The following XKR4 variants were observed in gnomAD, a reference collection of about 807,000 sequenced individuals.
XKR4 encodes XK-related protein 4.
A neutral mutation model predicts 53.9 loss-of-function variants in XKR4; 12 were observed. The observed-to-expected ratio is 0.22, with a 90% CI of 0.14 to 0.36. The LOEUF is 0.36. XKR4 is among the 10% of genes least tolerant of loss of function. The pLI, the probability that XKR4 is intolerant of heterozygous loss-of-function variation, is 1.00. For synonymous variants in XKR4, 354 were observed against 362.4 expected (o/e 0.98, Z 0.26); for missense variants, 799 against 859.5 (o/e 0.93, Z 0.88).
chr8:55,363,483 T>C (rs532336246), intron 2 of XKR4, among the ~76,000 whole-genome samples: 12 of 152,302 alleles, frequency 7.9e-5, no homozygotes, highest in African/African-American at 2.6e-4. Context: ...CAAACACTGT[T>C]ACCTGCTAAC....
intron 1 of XKR4, among the ~76,000 whole-genome samples, chr8:55,149,557 T>C (rs1448274570): frequency 2.0e-5 from 3 of 152,326 alleles, no homozygotes; most frequent in Non-Finnish European, 2.9e-5. Flanking sequence ...CATCAGAGTT[T>C]CTTGGCAGCA....
At chr8:55,292,589 A>T (rs951228868) in intron 1 of XKR4, among the ~76,000 whole-genome samples, 3 of 152,268 alleles carry the variant, frequency 2.0e-5, no homozygotes, top group Non-Finnish European at 4.4e-5. Flanking sequence ...ATCTTTTCAA[A>T]AAACAAGCAA....
At chr8:55,462,019 GGGAGAATGGAACCAAGTT>G (rs1805666265) in intron 2 of XKR4, among the ~76,000 whole-genome samples, 1 of 152,300 alleles carries the variant, frequency 6.6e-6, no homozygotes, top group Admixed American at 6.5e-5. Flanking sequence ...GAAAGTGACG[GGGAGAATGGAACCAAGTT>G]GGAAAACACT....
intron 1 of XKR4, among the ~76,000 whole-genome samples, chr8:55,313,988 A>T (rs1446653782): frequency 1.3e-5 from 2 of 152,228 alleles, no homozygotes; most frequent in Non-Finnish European, 1.5e-5. Flanking sequence ...ACAGCTACCA[A>T]TAATAATGAT....
chr8:55,289,808 AG>A (rs1306127161), intron 1 of XKR4, among the ~76,000 whole-genome samples: 2 of 148,602 alleles, frequency 1.3e-5, no homozygotes, highest in African/African-American at 5.0e-5. Flanking sequence ...AGAGAAAGAA[AG>A]GAAAGAAAGA....
chr8:55,523,969 G>A lies in XKR4; in HGVS notation c.1695G>A (p.Glu565=), dbSNP rs759622974. The A allele has an allele frequency of 5.6e-6, 9 of 1,614,178 alleles. No individual in the cohort carries two copies. The highest frequency in any genetic ancestry group is 7.6e-6 in the Non-Finnish European group (9 of 1,180,044). ...VVSDRDQKFA[E]RDGCVPVFQV... ...GCGACCGCGATCAGAAATTCGCAGA[G>A]CGGGATGGGTGTGTACCTGTCTTTC... The change falls in exon 3 of 3, where the codon GAG becomes GAA. Residue 565 remains glutamate, a synonymous_variant. Coordinates refer to ENST00000327381, the MANE Select transcript of XKR4 (RefSeq NM_052898.2).
chr8:55,317,667 G>A (rs1176615361), intron 1 of XKR4, among the ~76,000 whole-genome samples: 1 of 152,198 alleles, frequency 6.6e-6, no homozygotes, highest in East Asian at 1.9e-4. Flanking sequence ...CAGTGATGGA[G>A]GGCTCAGTAT....
intron 1 of XKR4, among the ~76,000 whole-genome samples, chr8:55,226,907 A>G (rs11779709): frequency 0.34 from 51,993 of 152,060 alleles, 10,320 homozygotes; most frequent in Middle Eastern, 0.47. Flanking sequence ...GAAAGTCAGG[A>G]GCCTGAGCAA....
At chr8:55,521,169 A>C (rs890941049) in intron 2 of XKR4, among the ~76,000 whole-genome samples, 1 of 152,238 alleles carries the variant, frequency 6.6e-6, no homozygotes, top group African/African-American at 2.4e-5. Context: ...GTTTAAAAGC[A>C]CAAAGGGAGC....
rs185620033 is a variant in XKR4 at position 55,146,050 on chromosome 8, A to G, written c.806+42756A>G. Among the ~76,000 whole-genome samples, 14 of 152,350 alleles carry G rather than the reference A, an allele frequency of 9.2e-5. No individual in the cohort carries two copies. In the East Asian group the frequency reaches 1.7e-3, roughly 19 times the overall value. ...AACTGATGCTTTGCAAATGGGAATTATGAAATGACATTGTAACCTGAGTCA... is the reference window on the plus strand; with the variant it reads ...AACTGATGCTTTGCAAATGGGAATTGTGAAATGACATTGTAACCTGAGTCA... On this transcript the variant is annotated intron_variant, in intron 1 of 2. Coordinates refer to ENST00000327381, the MANE Select transcript of XKR4 (RefSeq NM_052898.2).
At chr8:55,310,233 C>T (rs925674420) in intron 1 of XKR4, among the ~76,000 whole-genome samples, 12 of 152,096 alleles carry the variant, frequency 7.9e-5, no homozygotes, top group African/African-American at 2.2e-4. Flanking sequence ...TGCACAACTG[C>T]GTCAATATTT....
chr8:55,369,377 G>A (rs1404156634), intron 2 of XKR4, among the ~76,000 whole-genome samples: 1 of 66,618 alleles, frequency 1.5e-5, no homozygotes, highest in Non-Finnish European at 3.0e-5. Context: ...AAGGGGAGGG[G>A]AGGGGAGGGG....
chr8:55,473,603 G>C (rs768710136), intron 2 of XKR4, among the ~76,000 whole-genome samples: 5 of 152,052 alleles, frequency 3.3e-5, no homozygotes, highest in Admixed American at 2.0e-4. Context: ...TTTCAAAAAG[G>C]AATAAGTGTG....
chr8:55,262,903 C>T lies in XKR4; in HGVS notation c.807-94775C>T, dbSNP rs141929494. Among the ~76,000 whole-genome samples, 49 of 152,264 alleles carry T rather than the reference C, an allele frequency of 3.2e-4. 1 individual carries two copies. Among genetic ancestry groups the T allele is most frequent in the African/African-American group, 1.1e-3 (45 of 41,554 alleles). On this transcript the variant is annotated intron_variant, in intron 1 of 2. Transcript: ENST00000327381. ...AAGGATTGTGGATCACTGTGGTCCA[C>T]GGGGCAAGAGCATAATGTGGTGAAA...
At chr8:55,234,802 G>T (rs941880242) in intron 1 of XKR4, among the ~76,000 whole-genome samples, 4 of 152,190 alleles carry the variant, frequency 2.6e-5, no homozygotes, top group Admixed American at 1.3e-4. Flanking sequence ...AAAACCAGGT[G>T]TGAGGCTCTA....
chr8:55,247,343 G>A (rs1818298474), intron 1 of XKR4, among the ~76,000 whole-genome samples: 5 of 152,028 alleles, frequency 3.3e-5, no homozygotes, highest in Admixed American at 3.3e-4. Context: ...CTTTGCTATA[G>A]GACTTCTTAA....
intron 1 of XKR4, among the ~76,000 whole-genome samples, chr8:55,317,241 A>T (rs531080405): frequency 1.3e-5 from 2 of 152,348 alleles, no homozygotes; most frequent in African/African-American, 4.8e-5. Context: ...ATAGATGATG[A>T]GTGAACAAAA....
intron 2 of XKR4, chr8:55,453,962 T>G: frequency 2.8e-6 from 2 of 708,692 alleles, no homozygotes; most frequent in Non-Finnish European, 2.6e-6. Context: ...CAGCCCACAC[T>G]GGCCCAGGAA....
At chr8:55,426,847 T>A (rs934361528) in intron 2 of XKR4, among the ~76,000 whole-genome samples, 4 of 152,238 alleles carry the variant, frequency 2.6e-5, no homozygotes, top group Non-Finnish European at 4.4e-5. Flanking sequence ...AATGTCCTAG[T>A]ATAGGCAACA....
Sources: gnomAD v4.1 joint callset for allele counts (sites outside exome capture counted in the v4.1 genomes callset) on GRCh38, gnomAD v4.1.1 for gene constraint, MANE v1.5 for transcripts, NCBI Gene and HGNC (gene_info 2026-07-23, HGNC 2026-07-21) for gene names.